RGS12: variants seen among roughly 807,000 people sequenced by gnomAD.
RGS12 encodes regulator of G-protein signaling 12.
A neutral mutation model predicts 120.1 loss-of-function variants in RGS12; 66 were observed. The observed-to-expected ratio is 0.55, with a 90% CI of 0.45 to 0.67. The LOEUF is 0.67. Among genes scored for constraint, RGS12 ranks in the 30% least tolerant of loss-of-function variants. The pLI, the probability that RGS12 is intolerant of heterozygous loss-of-function variation, is 0.00. For synonymous variants in RGS12, 827 were observed against 804.7 expected (o/e 1.03, Z -0.47); for missense variants, 1,859 against 1,957.7 (o/e 0.95, Z 0.95).
rs180701716 is a variant in RGS12, at chr4:3,312,503, G to A, written c.-101-3567G>A. The A allele has an allele frequency of 7.3e-4, 163 of 221,874 alleles. 3 individuals are homozygous for A. In the South Asian group the frequency reaches 0.012, roughly 17 times the overall value. The allele number at this position is 221,874 out of a possible 1,614,324, so 13.7% of individuals were successfully genotyped here. A position where few individuals can be genotyped will look rare whatever the true frequency, so the allele number is the denominator to read the frequency against. ...CTTTACCCACTACTGAGAAGCAGCC[G>A]TTTGAAATATGAGTTGGCAAGGAAG... On this transcript the variant is annotated intron_variant, in intron 1 of 17. Coordinates refer to ENST00000336727, the MANE Select transcript of RGS12 (RefSeq NM_001394154.1).
intron 17 of RGS12, chr4:3,431,714 C>G (rs1336129843): frequency 1.0e-6 from 1 of 985,494 alleles, no homozygotes; most frequent in African/African-American, 1.7e-5. Context: ...TGGCCATCCC[C>G]TGGAGAGAGG....
At chr4:3,378,102 A>G (rs1168737465) in intron 3 of RGS12, 2 of 152,222 alleles carry the variant, frequency 1.3e-5, no homozygotes, top group East Asian at 3.8e-4. Flanking sequence ...AGTTATTAAT[A>G]CAAATAGTAC....
chr4:3,435,052 G>T (rs1437893251), intron 17 of RGS12, among the ~76,000 whole-genome samples: 2 of 152,104 alleles, frequency 1.3e-5, no homozygotes, highest in Non-Finnish European at 2.9e-5. Context: ...TGGGGCTGGG[G>T]TCCCCTGGGG....
intron 2 of RGS12, among the ~76,000 whole-genome samples, chr4:3,338,258 C>T (rs190032250): frequency 9.8e-5 from 15 of 152,326 alleles, no homozygotes; most frequent in Admixed American, 9.8e-4. Flanking sequence ...CAGGGTTTCT[C>T]CATGTTGGTC....
intron 2 of RGS12, among the ~76,000 whole-genome samples, chr4:3,319,149 G>A (rs904347242): frequency 6.6e-6 from 1 of 152,160 alleles, no homozygotes; most frequent in Non-Finnish European, 1.5e-5. Context: ...GGAAGGAGCC[G>A]GCTGCCGTGG....
chr4:3,378,906 G>A (rs1292791903), intron 3 of RGS12, among the ~76,000 whole-genome samples: 11 of 152,072 alleles, frequency 7.2e-5, no homozygotes, highest in African/African-American at 2.7e-4. Flanking sequence ...ATCTCCAGAG[G>A]AAATAAAATC....
rs61268163 is a variant in RGS12, at chr4:3,298,845, A to G, written c.-102+5746A>G. 2.8e-3 allele frequency among the ~76,000 whole-genome samples: 431 copies of G among 152,276 alleles called. 4 individuals carry two copies. The highest frequency in any genetic ancestry group is 0.01 in the African/African-American group (419 of 41,556). On this transcript the variant is annotated intron_variant, in intron 1 of 17. Coordinates refer to ENST00000336727, the MANE Select transcript of RGS12 (RefSeq NM_001394154.1). ...TTTTCACTTATTTTTTATGGTTGCC[A>G]TTTCTCTGCTCTGTCATTTGTTTAT...
At chr4:3,414,395 A>T in intron 5 of RGS12, 154 bp downstream of exon 5, 1 of 843,364 alleles carries the variant, frequency 1.2e-6, no homozygotes, top group South Asian at 1.9e-5. Context: ...CCACCCTCTC[A>T]AGAGCTCAGA....
chr4:3,298,212 T>C (rs1723486142), intron 1 of RGS12, among the ~76,000 whole-genome samples: 1 of 152,240 alleles, frequency 6.6e-6, no homozygotes, highest in South Asian at 2.1e-4. Flanking sequence ...AGTCTGAGGA[T>C]AGAAGTTTTT....
chr4:3,315,079 G>A (rs1338493184), intron 1 of RGS12: 1 of 152,242 alleles, frequency 6.6e-6, no homozygotes, highest in East Asian at 1.9e-4. Flanking sequence ...CCCTGGTGAC[G>A]ACACTGCACA....
intron 4 of RGS12, among the ~76,000 whole-genome samples, chr4:3,405,578 G>A (rs1721029914): frequency 6.6e-6 from 1 of 152,200 alleles, no homozygotes; most frequent in South Asian, 2.1e-4. Flanking sequence ...CAGGATTGAC[G>A]AAGCTGGAAG....
intron 2 of RGS12, among the ~76,000 whole-genome samples, chr4:3,328,588 C>A (rs1367070496): frequency 1.3e-5 from 2 of 152,152 alleles, no homozygotes; most frequent in Non-Finnish European, 2.9e-5. Context: ...AAATAAATGA[C>A]CTAGTCTCAG....
At chr4:3,335,133 C>A (rs572042341) in intron 2 of RGS12, among the ~76,000 whole-genome samples, 1 of 152,128 alleles carries the variant, frequency 6.6e-6, no homozygotes, top group Admixed American at 6.5e-5. Flanking sequence ...AAATTAATAT[C>A]TCTACTTAAA....
At chr4:3,296,710 A>G (rs920840367) in intron 1 of RGS12, among the ~76,000 whole-genome samples, 10 of 152,174 alleles carry the variant, frequency 6.6e-5, no homozygotes, top group African/African-American at 2.4e-4. Context: ...CACCCGTCTC[A>G]TGCCTCTTCT....
intron 7 of RGS12, among the ~76,000 whole-genome samples, chr4:3,416,602 G>A (rs1722428565): frequency 6.6e-6 from 1 of 152,176 alleles, no homozygotes; most frequent in Non-Finnish European, 1.5e-5. Context: ...GTCGCTTTTG[G>A]TTTTAATCTT....
chr4:3,417,535 G>T lies in RGS12; in HGVS notation c.2755G>T (p.Ala919Ser). The T allele has an allele frequency of 6.2e-7, 1 of 1,612,644 alleles. No individual in the cohort carries two copies. The highest frequency in any genetic ancestry group is 8.5e-7 in the Non-Finnish European group (1 of 1,179,806). Residue 919 changes from alanine to serine, a missense_variant, in exon 9 of 18, where the codon GCA becomes TCA. By Grantham distance (99) the Ala-to-Ser change is moderately conservative (BLOSUM62 1). Around this residue, in one of 3 missense-constraint regions of RGS12, gnomAD observed 375 missense variants for 475.0 expected, o/e 0.79. Coordinates refer to ENST00000336727, the MANE Select transcript of RGS12 (RefSeq NM_001394154.1). ...GAAAAAGAGGGAGCACGGGGACCAC[G>T]CAGACGGTTTGTGGGGTGGCTCCTG... ...SQKKREHGDH[A>S]DDALHANGGL...
chr4:3,410,020 C>G (rs1374324842), intron 4 of RGS12, among the ~76,000 whole-genome samples: 1 of 152,218 alleles, frequency 6.6e-6, no homozygotes, highest in Non-Finnish European at 1.5e-5. Context: ...GGAAGTTCTC[C>G]CTTGCTCCCT....
chr4:3,410,940 T>G (rs1447874967), intron 4 of RGS12, among the ~76,000 whole-genome samples: 3 of 152,210 alleles, frequency 2.0e-5, no homozygotes, highest in African/African-American at 7.2e-5. Flanking sequence ...GCCCCACAGT[T>G]TCCTGTCCAG....
rs1005676286 is a variant in RGS12, at chr4:3,431,124, C to G, written c.4114+169C>G. ...CCTTGGCCCTCTTGGAAAGGAGGGG[C>G]TCGTGTGGCCCCAGGCCAGTGTCTG... is the stretch of plus-strand genomic sequence containing the variant. On this transcript the variant is annotated intron_variant, in intron 17 of 17. Coordinates refer to ENST00000336727, the MANE Select transcript of RGS12 (RefSeq NM_001394154.1). 6.3e-6 allele frequency: 9 copies of G among 1,434,536 alleles called. No individual in the cohort carries two copies. In the South Asian group the frequency reaches 1.2e-4, roughly 19 times the overall value. The allele number at this position is 1,434,536 out of a possible 1,614,324, so 88.9% of individuals were successfully genotyped here.
Sources: allele counts gnomAD v4.1 joint callset (sites outside exome capture counted in the v4.1 genomes callset), GRCh38; gene constraint gnomAD v4.1.1; regional missense constraint gnomAD v4.1.1; transcripts MANE v1.5; gene names NCBI Gene and HGNC (gene_info 2026-07-23, HGNC 2026-07-21).